The following PELP1 variants were observed in gnomAD, a reference collection of about 807,000 sequenced individuals.
PELP1 encodes proline, glutamate and leucine rich protein 1.
In PELP1, 32 loss-of-function variants were observed where a neutral mutation model predicts 95.5. The ratio of observed to expected loss-of-function variants is 0.34; its 90% CI spans 0.25 to 0.45. PELP1 has a LOEUF of 0.45. Ranked by LOEUF, PELP1 falls within the 20% of genes least tolerant of loss-of-function variation. The pLI is 1.00. For missense variants in PELP1, 1,358 were observed against 1,444.8 expected (o/e 0.94, Z 0.97); for synonymous variants, 668 against 600.1 (o/e 1.11, Z -1.65).
chr17:4,671,910 G>A lies in PELP1; in HGVS notation c.3081C>T (p.Ala1027=), dbSNP rs767090127. The stretch of plus-strand genomic sequence containing the variant: ...CTCCCTGGGAGGGGAGCGCTTCAGG[G>A]GCCAGGGTGGGAGCTGTGTCAGCCC... ...ERGADTAPTL[A]PEALPSQGEV... The change falls in exon 16 of 17, where the codon GCC becomes GCT. Residue 1027 remains alanine, a synonymous_variant. Coordinates refer to ENST00000572293, the MANE Select transcript of PELP1 (RefSeq NM_014389.3). 12 of 1,516,188 alleles carry A rather than the reference G, an allele frequency of 7.9e-6. No homozygotes were observed. In the East Asian group the frequency reaches 2.7e-4, roughly 35 times the overall value. 93.9% of individuals were successfully genotyped at this position (1,516,188 alleles called of 1,614,324 possible).
At chr17:4,691,134 T>A in intron 2 of PELP1, 141 bp from the exon 3 acceptor site, 1 of 682,470 alleles carries the variant, frequency 1.5e-6, no homozygotes, top group Non-Finnish European at 2.6e-6. Flanking sequence ...ATACTTGGAA[T>A]GAGGTGGAAG....
intron 12 of PELP1, 21 bp from the exon 13 acceptor site, chr17:4,674,690 A>T (rs1293986014): frequency 6.3e-7 from 1 of 1,591,978 alleles, no homozygotes; most frequent in Non-Finnish European, 8.5e-7. Flanking sequence ...AGAAAACATA[A>T]ATCACATCCA....
chr17:4,672,779 G>T lies in PELP1; in HGVS notation c.2212C>A (p.Pro738Thr), dbSNP rs961726343. The change falls in exon 16 of 17, where the codon CCC (proline) becomes ACC (threonine). Residue 738 changes from proline (P) to threonine (T), a missense_variant. Coordinates refer to ENST00000572293, the MANE Select transcript of PELP1 (RefSeq NM_014389.3). ...GGAGTCCCACTAGGGGCAAGGATGGGGTCCTCATTTGAGCCTGCCCGGTGG... is the reference window on the plus strand; with the variant it reads ...GGAGTCCCACTAGGGGCAAGGATGGTGTCCTCATTTGAGCCTGCCCGGTGG... ...ENHRAGSNED[P>T]ILAPSGTPPP... The T allele has an allele frequency of 6.2e-7, 1 of 1,613,624 alleles. No homozygotes were observed. Among genetic ancestry groups the T allele is most frequent in the Non-Finnish European group, 8.5e-7 (1 of 1,179,774 alleles).
At chr17:4,676,651 A>C in intron 6 of PELP1, 102 bp downstream of exon 6, 2 of 1,363,114 alleles carry the variant, frequency 1.5e-6, no homozygotes, top group Non-Finnish European at 1.0e-6. Context: ...CGAAGGACAC[A>C]GATGGGCATA....
chr17:4,695,131 G>A (rs1040923924), intron 1 of PELP1, among the ~76,000 whole-genome samples: 2 of 151,600 alleles, frequency 1.3e-5, no homozygotes, highest in Admixed American at 1.3e-4. Context: ...GACCAGCCTG[G>A]CCAACATGAT....
At chr17:4,683,868 T>A (rs1912810711) in intron 3 of PELP1, among the ~76,000 whole-genome samples, 2 of 130,508 alleles carry the variant, frequency 1.5e-5, no homozygotes, top group African/African-American at 3.0e-5. Context: ...AGACAGGGTC[T>A]CACTCTGTCA....
At chr17:4,694,924 G>A (rs947694794) in intron 1 of PELP1, among the ~76,000 whole-genome samples, 5 of 150,796 alleles carry the variant, frequency 3.3e-5, no homozygotes, top group African/African-American at 7.3e-5. Flanking sequence ...CGGGAGAATC[G>A]CTTGAACCCG....
In PELP1 at chr17:4,682,932, T is replaced by C; in HGVS notation, c.441A>G (p.Thr147=). 1 of 1,524,456 alleles carries C rather than the reference T, an allele frequency of 6.6e-7. No homozygotes were observed. The highest frequency in any genetic ancestry group is 1.3e-5 in the South Asian group (1 of 77,374). 94.4% of individuals were successfully genotyped at this position (1,524,456 alleles called of 1,614,324 possible). A position where few individuals can be genotyped will look rare whatever the true frequency, so the allele number is the denominator to read the frequency against. The change falls in exon 4 of 17, where the codon ACA becomes ACG. Residue 147 remains threonine (T), a synonymous_variant. Coordinates refer to ENST00000572293, the MANE Select transcript of PELP1 (RefSeq NM_014389.3). ...QVLQTQDPPA[T]MELAVAVLRD... ...TCAGGACAGCCACGGCCAGCTCCAT[T>C]GTGGCAGGCGGGTCCTGGGTCTAAA...
At chr17:4,703,806 C>T in intron 1 of PELP1, 57 bp downstream of exon 1, 2 of 1,483,636 alleles carry the variant, frequency 1.3e-6, no homozygotes, top group Non-Finnish European at 1.8e-6. Flanking sequence ...AATCCCGGCG[C>T]ACAGGTGCCG....
chr17:4,703,002 C>T (rs145261079), intron 1 of PELP1, among the ~76,000 whole-genome samples: 1 of 152,280 alleles, frequency 6.6e-6, no homozygotes, highest in East Asian at 1.9e-4. Flanking sequence ...CAGGACTTGA[C>T]AGATTGCTTA....
At chr17:4,700,862 C>T (rs1400592886) in intron 1 of PELP1, among the ~76,000 whole-genome samples, 2 of 150,542 alleles carry the variant, frequency 1.3e-5, no homozygotes, top group East Asian at 3.9e-4. Flanking sequence ...GAGGTTGAGG[C>T]CAAGGCCGCA....
intron 3 of PELP1, among the ~76,000 whole-genome samples, chr17:4,685,663 C>T (rs115677143): frequency 0.016 from 2,380 of 151,258 alleles, 60 homozygotes; most frequent in African/African-American, 0.054. Context: ...GGTGGTGGTA[C>T]ACGCCTGTAG....
At chr17:4,683,266 G>GCGGGA (rs1912761965) in intron 3 of PELP1, among the ~76,000 whole-genome samples, 1 of 151,040 alleles carries the variant, frequency 6.6e-6, no homozygotes, top group African/African-American at 2.4e-5. Context: ...TGTCACCCAG[G>GCGGGA]CTGGAGTGCA....
At chr17:4,691,158 A>G (rs773075933) in intron 2 of PELP1, 165 bp from the exon 3 acceptor site, 3 of 648,632 alleles carry the variant, frequency 4.6e-6, no homozygotes, top group Non-Finnish European at 5.4e-6. Flanking sequence ...CAAAGAAAGA[A>G]GGGAGCAGAG....
At chr17:4,685,094 T>G (rs1912857778) in intron 3 of PELP1, among the ~76,000 whole-genome samples, 1 of 152,174 alleles carries the variant, frequency 6.6e-6, no homozygotes, top group South Asian at 2.1e-4. Context: ...ATTTCCCATC[T>G]TCTCTCCTTC....
chr17:4,695,355 T>C (rs1046416570), intron 1 of PELP1, among the ~76,000 whole-genome samples: 1 of 141,688 alleles, frequency 7.1e-6, no homozygotes, highest in East Asian at 2.1e-4. Context: ...CTAAATTGTA[T>C]GGTTTGTGAA....
At position 4,671,389 on chromosome 17, in the gene PELP1, A is replaced by G. The variant is rs1912191305; in HGVS notation, c.*50T>C. 9.8e-7 allele frequency: 1 copy of G among 1,019,494 alleles called. No homozygotes were observed. The highest frequency in any genetic ancestry group is 1.3e-5 in the South Asian group (1 of 78,526). The allele number at this position is 1,019,494 out of a possible 1,614,324, so 63.2% of individuals were successfully genotyped here. A position where few individuals can be genotyped will look rare whatever the true frequency, so the allele number is the denominator to read the frequency against. On this transcript the variant is annotated 3_prime_UTR_variant, in exon 17 of 17. Coordinates refer to ENST00000572293, the MANE Select transcript of PELP1 (RefSeq NM_014389.3). ...GCAAAAGGCAGAAGCAGCAGTCGCT[A>G]TCTAAGGACATAACTTTATTGGAAA...
chr17:4,674,739 GT>G (rs1454842931), intron 12 of PELP1, 69 bp downstream of exon 12: 10 of 1,586,900 alleles, frequency 6.3e-6, no homozygotes, highest in African/African-American at 1.4e-5. Context: ...AGCAGACAGT[GT>G]TTCCTGAGCA....
At chr17:4,698,911 G>A (rs1913411559) in intron 1 of PELP1, among the ~76,000 whole-genome samples, 1 of 152,080 alleles carries the variant, frequency 6.6e-6, no homozygotes, top group African/African-American at 2.4e-5. Flanking sequence ...ATATGTCAAA[G>A]TAAAAGGACA....
Sources: gnomAD v4.1 joint callset for allele counts (sites outside exome capture counted in the v4.1 genomes callset) on GRCh38, gnomAD v4.1.1 for gene constraint, MANE v1.5 for transcripts, NCBI Gene and HGNC (gene_info 2026-07-23, HGNC 2026-07-21) for gene names.